PTCD2: variants seen among roughly 807,000 people sequenced by gnomAD.
PTCD2 encodes the protein pentatricopeptide repeat domain 2, also known as pentatricopeptide repeat-containing protein 2, mitochondrial.
Under a neutral mutation model 42.6 loss-of-function variants are expected in PTCD2, and 31 were observed. That is an observed-to-expected ratio of 0.73 (90% CI 0.55 to 0.98). The LOEUF is 0.98. PTCD2 is among the 50% of genes least tolerant of loss of function. PTCD2 has a pLI of 0.00. For synonymous variants in PTCD2, 183 were observed against 170.9 expected (o/e 1.07, Z -0.55); for missense variants, 476 against 454.8 (o/e 1.05, Z -0.42).
chr5:72,341,494 T>G (rs1305846032), intron 7 of PTCD2, among the ~76,000 whole-genome samples: 1 of 151,936 alleles, frequency 6.6e-6, no homozygotes, highest in African/African-American at 2.4e-5. Context: ...ATCCCAGCAC[T>G]TTGGAAGGGG....
At chr5:72,349,210 C>G (rs892449305) in intron 8 of PTCD2, among the ~76,000 whole-genome samples, 3 of 152,148 alleles carry the variant, frequency 2.0e-5, no homozygotes, top group Non-Finnish European at 2.9e-5. Context: ...TCATTATATC[C>G]CTGGTCCAGC....
intron 5 of PTCD2, 40 bp downstream of exon 5, chr5:72,335,136 T>C (rs777751536): frequency 1.8e-5 from 21 of 1,173,558 alleles, no homozygotes; most frequent in Non-Finnish European, 2.7e-5. Flanking sequence ...AATTCTGCCA[T>C]GTTTGCTGGC....
intron 8 of PTCD2, among the ~76,000 whole-genome samples, chr5:72,344,516 A>G (rs1338129331): frequency 2.0e-5 from 3 of 152,076 alleles, no homozygotes; most frequent in African/African-American, 7.2e-5. Context: ...CCATCTCAAA[A>G]AAAAGAATAT....
chr5:72,331,404 C>T (rs1217334016), intron 4 of PTCD2, 29 bp downstream of exon 4: 1 of 1,439,918 alleles, frequency 6.9e-7, no homozygotes, highest in African/African-American at 1.4e-5. Context: ...TTTTCTCTGC[C>T]AATGTGTGTG....
chr5:72,338,775 C>A, intron 7 of PTCD2, 40 bp downstream of exon 7: 1 of 1,108,292 alleles, frequency 9.0e-7, no homozygotes, highest in South Asian at 1.3e-5. Flanking sequence ...TGGGAGTGGC[C>A]AGGACTTCAT....
At chr5:72,351,294 A>AGGT (rs559316402) in intron 8 of PTCD2, among the ~76,000 whole-genome samples, 2 of 152,144 alleles carry the variant, frequency 1.3e-5, no homozygotes, top group Non-Finnish European at 2.9e-5. Context: ...GGTGGAAGAT[A>AGGT]GGTGGTAGTA....
chr5:72,338,554 G>A, intron 6 of PTCD2, 68 bp from the exon 7 acceptor site: 1 of 740,366 alleles, frequency 1.4e-6, no homozygotes, highest in Non-Finnish European at 2.2e-6. Flanking sequence ...TAAATACTGA[G>A]CACTATTAAT....
intron 1 of PTCD2, among the ~76,000 whole-genome samples, chr5:72,321,783 A>G (rs1295903738): frequency 6.6e-6 from 1 of 152,078 alleles, no homozygotes; most frequent in African/African-American, 2.4e-5. Flanking sequence ...ATAAACCAAA[A>G]CTAAATATGC....
intron 8 of PTCD2, among the ~76,000 whole-genome samples, chr5:72,351,744 C>T (rs907389726): frequency 6.6e-6 from 1 of 152,008 alleles, no homozygotes; most frequent in African/African-American, 2.4e-5. Context: ...AAACTGCCCC[C>T]ATGATCCAAT....
At chr5:72,328,313 C>T (rs1346226368) in intron 3 of PTCD2, among the ~76,000 whole-genome samples, 1 of 152,204 alleles carries the variant, frequency 6.6e-6, no homozygotes, top group African/African-American at 2.4e-5. Context: ...TTTGTGATGC[C>T]TCATTGCTCC....
chr5:72,335,163 A>T (rs769204373), intron 5 of PTCD2, 67 bp downstream of exon 5: 22 of 870,850 alleles, frequency 2.5e-5, no homozygotes, highest in Non-Finnish European at 3.6e-5. Context: ...ACTAGGGGGA[A>T]AAATGAGTCA....
intron 1 of PTCD2, 102 bp from the exon 2 acceptor site, chr5:72,322,070 T>G: frequency 3.0e-6 from 2 of 657,564 alleles, no homozygotes; most frequent in Non-Finnish European, 5.5e-6. Flanking sequence ...TCTAATGGAT[T>G]ATCTATAATA....
chr5:72,326,687 T>C lies in PTCD2; in HGVS notation c.296T>C (p.Leu99Pro). 1 of 1,614,154 alleles carries C rather than the reference T, an allele frequency of 6.2e-7. No individual in the cohort carries two copies. Among genetic ancestry groups the C allele is most frequent in the East Asian group, 2.2e-5 (1 of 44,884 alleles). ...LILKGELITL[L>P]HLCESRDHVE... Reference sequence around the variant, plus strand: ...TTGAAGGGGGAGTTGATAACCTTACTACATTTGTGTGAGTCTCGGGACCAT... The same window carrying C: ...TTGAAGGGGGAGTTGATAACCTTACCACATTTGTGTGAGTCTCGGGACCAT... Residue 99 changes from leucine to proline, a missense_variant, in exon 3 of 10, where the codon CTA (leucine) becomes CCA (proline). Leu to Pro is a moderately conservative substitution (Grantham distance 98). Coordinates refer to ENST00000380639, the MANE Select transcript of PTCD2 (RefSeq NM_024754.5).
intron 4 of PTCD2, 107 bp downstream of exon 4, chr5:72,331,482 G>A: frequency 1.2e-6 from 1 of 813,782 alleles, no homozygotes; most frequent in South Asian, 1.5e-5. Flanking sequence ...TTCAAAGAAA[G>A]GCTGCTGGGG....
At position 72,366,430 on chromosome 5, in the gene PTCD2, G is replaced by A. The variant is rs1753207455; in HGVS notation, c.*8003G>A. On this transcript the variant is annotated 3_prime_UTR_variant, in exon 10 of 10. Coordinates refer to ENST00000380639, the MANE Select transcript of PTCD2 (RefSeq NM_024754.5). ...GAACCCAGGAGGTCTGATGCTGGAG[G>A]TCATGTTTTTAACCTTATCTCTGTA... 1 of 152,204 alleles carries A rather than the reference G, an allele frequency of 6.6e-6. No homozygotes were observed. Among genetic ancestry groups the A allele is most frequent in the African/African-American group, 2.4e-5 (1 of 41,430 alleles). 9.4% of individuals were successfully genotyped at this position (152,204 alleles called of 1,614,324 possible).
intron 3 of PTCD2, among the ~76,000 whole-genome samples, chr5:72,327,472 A>ATTTT (rs11416975): frequency 1.5e-5 from 2 of 136,080 alleles, no homozygotes; most frequent in African/African-American, 5.5e-5. Context: ...TTTTTAAACT[A>ATTTT]TTTTTTTTTT....
rs1194041154 is a variant in PTCD2, at chr5:72,364,735, C to T, written c.*6308C>T. The T allele has an allele frequency of 6.6e-6, 1 of 152,182 alleles. No homozygotes were observed. The highest frequency in any genetic ancestry group is 1.5e-5 in the Non-Finnish European group (1 of 68,028). 9.4% of individuals were successfully genotyped at this position (152,182 alleles called of 1,614,324 possible). On this transcript the variant is annotated 3_prime_UTR_variant, in exon 10 of 10. Transcript: ENST00000380639. ...TTTTACACATGACAGAGCCAAGACA[C>T]AGACAAGTAGAATGACTTGCCTGTG... is the stretch of plus-strand genomic sequence containing the variant.
intron 3 of PTCD2, among the ~76,000 whole-genome samples, chr5:72,328,140 C>A (rs1456117583): frequency 6.6e-6 from 1 of 152,160 alleles, no homozygotes; most frequent in Non-Finnish European, 1.5e-5. Context: ...AACTTAATGG[C>A]TTAACACAGT....
chr5:72,338,564 T>C, intron 6 of PTCD2, 58 bp from the exon 7 acceptor site: 1 of 871,012 alleles, frequency 1.1e-6, no homozygotes, highest in Non-Finnish European at 1.8e-6. Context: ...GCACTATTAA[T>C]CATTTTATTG....
Sources: allele counts gnomAD v4.1 joint callset (sites outside exome capture counted in the v4.1 genomes callset), GRCh38; gene constraint gnomAD v4.1.1; transcripts MANE v1.5; gene names NCBI Gene and HGNC (gene_info 2026-07-23, HGNC 2026-07-21).